Variants in XKR6 observed in about 807,000 individuals in gnomAD.
The protein encoded by XKR6 is XK-related protein 6.
XKR6 carries 22 observed loss-of-function variants against 56.7 expected under a neutral mutation model. The ratio of observed to expected loss-of-function variants is 0.39; its 90% CI spans 0.28 to 0.55. The LOEUF (loss-of-function observed/expected upper bound fraction) is 0.55. Ranked by LOEUF, XKR6 falls within the 20% of genes least tolerant of loss-of-function variation. The pLI is 0.66. For synonymous variants in XKR6, 524 were observed against 387.8 expected (o/e 1.35, Z -4.13); for missense variants, 852 against 889.0 (o/e 0.96, Z 0.53).
At chr8:11,027,213 GA>G (rs1419249849) in intron 1 of XKR6, among the ~76,000 whole-genome samples, 2 of 152,126 alleles carry the variant, frequency 1.3e-5, no homozygotes, top group Non-Finnish European at 2.9e-5. Flanking sequence ...TTTAAACGTA[GA>G]AAAGGTACAA....
chr8:10,898,278 G>C lies in XKR6; in HGVS notation c.1600C>G (p.Pro534Ala), dbSNP rs1007127255. The change falls in exon 3 of 3, where the codon CCT becomes GCT. Residue 534 changes from proline (P) to alanine (A), a missense_variant. By Grantham distance (27) the Pro-to-Ala change is conservative (BLOSUM62 -1). This residue lies in a region of XKR6 where 197 missense variants were observed against 190.9 expected (regional missense o/e 1.03). Coordinates refer to ENST00000416569, the MANE Select transcript of XKR6 (RefSeq NM_173683.4). This position sits in a 1 kb window ranked among gnomAD's most constrained non-coding sequence, Gnocchi z 6.6. ...GTAACCTGGGTCCCCCGGTACCCAG[G>C]GATCTCAGGCGCCATGGGCTCAACA... ...PDVEPMAPEI[P>A]GYRGTQVTPT... 1 of 1,614,118 alleles carries C rather than the reference G, an allele frequency of 6.2e-7. No individual in the cohort carries two copies. Among genetic ancestry groups the C allele is most frequent in the Admixed American group, 1.7e-5 (1 of 60,024 alleles).
intron 1 of XKR6, among the ~76,000 whole-genome samples, chr8:11,094,131 C>T (rs1474613155): frequency 1.3e-5 from 2 of 150,252 alleles, no homozygotes; most frequent in African/African-American, 5.0e-5. Flanking sequence ...GGCTGGAGTG[C>T]CGTGGTCATA....
intron 1 of XKR6, among the ~76,000 whole-genome samples, chr8:11,170,677 A>C (rs7841435): frequency 0.061 from 9,270 of 152,294 alleles, 367 homozygotes; most frequent in South Asian, 0.12. Flanking sequence ...GCACAATCTA[A>C]GTGGGTAAAT....
At chr8:11,114,773 G>GTGTGTGTGTA (rs34746866) in intron 1 of XKR6, among the ~76,000 whole-genome samples, 162 of 146,614 alleles carry the variant, frequency 1.1e-3, no homozygotes, top group South Asian at 3.5e-3. Context: ...GTGTGTGTGT[G>GTGTGTGTGTA]TATGTGCCAG....
At chr8:11,010,387 C>T (rs972484402) in intron 1 of XKR6, among the ~76,000 whole-genome samples, 1 of 152,158 alleles carries the variant, frequency 6.6e-6, no homozygotes, top group African/African-American at 2.4e-5. Context: ...AAACTGGTCC[C>T]AGGCACTTAT....
chr8:11,075,409 C>T (rs1022969885), intron 1 of XKR6, among the ~76,000 whole-genome samples: 3 of 152,146 alleles, frequency 2.0e-5, no homozygotes, highest in African/African-American at 4.8e-5. Context: ...CAGAAACACC[C>T]GGTAGGTGCT....
chr8:11,138,675 TA>T (rs1321114727), intron 1 of XKR6: 8 of 152,198 alleles, frequency 5.3e-5, no homozygotes, highest in Admixed American at 5.2e-4. Flanking sequence ...ATCAGTTTTT[TA>T]AAACATCAAA....
chr8:11,021,844 C>T (rs975999353), intron 1 of XKR6, among the ~76,000 whole-genome samples: 1 of 152,068 alleles, frequency 6.6e-6, no homozygotes, highest in African/African-American at 2.4e-5. Flanking sequence ...GTAAGCCTGT[C>T]TCCCTGACCT....
intron 1 of XKR6, among the ~76,000 whole-genome samples, chr8:11,192,330 TG>T (rs1330586483): frequency 1.3e-5 from 2 of 152,106 alleles, no homozygotes; most frequent in Non-Finnish European, 2.9e-5. Context: ...GGCTAATTTT[TG>T]TATTTTTAAT....
intron 1 of XKR6, among the ~76,000 whole-genome samples, chr8:11,098,437 G>A (rs1013403295): frequency 6.6e-6 from 1 of 152,098 alleles, no homozygotes; most frequent in African/African-American, 2.4e-5. Context: ...TTTTCCTGAC[G>A]CTACTAATGC....
At chr8:11,007,040 G>C (rs28694210) in intron 1 of XKR6, among the ~76,000 whole-genome samples, 225 of 152,276 alleles carry the variant, frequency 1.5e-3, no homozygotes, top group African/African-American at 5.3e-3. Context: ...CTACCAGTTG[G>C]CTTCTGATCA....
At chr8:10,907,662 C>A (rs769027804) in intron 2 of XKR6, among the ~76,000 whole-genome samples, 33 of 152,326 alleles carry the variant, frequency 2.2e-4, no homozygotes, top group Non-Finnish European at 4.0e-4. Flanking sequence ...TTCTGAACCA[C>A]TGGGAAAGAT....
intron 1 of XKR6, among the ~76,000 whole-genome samples, chr8:11,064,953 C>T (rs1400524661): frequency 6.6e-6 from 1 of 152,156 alleles, no homozygotes; most frequent in African/African-American, 2.4e-5. Flanking sequence ...CTGTACTTGT[C>T]TATACTCTTT....
Position 11,036,400 on chromosome 8 carries a change from A to G in XKR6, c.765-111570T>C, listed in dbSNP as rs10101140. Among the ~76,000 whole-genome samples the G allele has an allele frequency of 2.4e-3, 366 of 152,300 alleles. 1 individual carries two copies. Among genetic ancestry groups the G allele is most frequent in the African/African-American group, 8.4e-3 (347 of 41,556 alleles). ...CCTATTTAAAGTAAGAATAACCCCA[A>G]AGATATCTTCTCTGGTCAAAGAGTT... On this transcript the variant is annotated intron_variant, in intron 1 of 2. Transcript: ENST00000416569.
At chr8:11,149,647 G>A (rs949684177) in intron 1 of XKR6, among the ~76,000 whole-genome samples, 1 of 151,636 alleles carries the variant, frequency 6.6e-6, no homozygotes, top group Non-Finnish European at 1.5e-5. Flanking sequence ...CTGTTGCTGA[G>A]AATGTCAATT....
intron 1 of XKR6, chr8:11,194,761 A>G (rs1422825038): frequency 4.3e-6 from 1 of 230,736 alleles, no homozygotes; most frequent in Non-Finnish European, 8.5e-6. Flanking sequence ...GAATAAGTCT[A>G]TAGTATCAAA....
At chr8:10,976,753 GTCTC>G (rs5889354) in intron 1 of XKR6, among the ~76,000 whole-genome samples, 5,936 of 147,210 alleles carry the variant, frequency 0.04, 166 homozygotes, top group African/African-American at 0.081. Context: ...TACCTCGCCT[GTCTC>G]TCTCTCTCTC....
In XKR6 at chr8:10,938,408, G is replaced by A. The variant is rs1445747443; in HGVS notation, c.765-13578C>T. On this transcript the variant is annotated intron_variant, in intron 1 of 2. Transcript: ENST00000416569. ...TGTAGAGCGGAGCTGTTCCTATTCG[G>A]CCATCTTGGCTCCTCCCCCCAGCAG... Among the ~76,000 whole-genome samples, 3 of 152,138 alleles carry A rather than the reference G, an allele frequency of 2.0e-5. No homozygotes were observed. The East Asian group carries it at 5.8e-4, about 29-fold the overall frequency.
intron 1 of XKR6, among the ~76,000 whole-genome samples, chr8:11,000,457 G>A (rs1698714595): frequency 6.6e-6 from 1 of 152,174 alleles, no homozygotes; most frequent in Non-Finnish European, 1.5e-5. Flanking sequence ...AAACTGAGGT[G>A]GATGCATCAC....
Sources: allele counts gnomAD v4.1 joint callset (sites outside exome capture counted in the v4.1 genomes callset), GRCh38; gene constraint gnomAD v4.1.1; regional missense constraint gnomAD v4.1.1; non-coding constraint Gnocchi (gnomAD v3.1); transcripts MANE v1.5; gene names NCBI Gene and HGNC (gene_info 2026-07-23, HGNC 2026-07-21).